The following RBFOX1 variants were observed in gnomAD, a reference collection of about 807,000 sequenced individuals.
RBFOX1 encodes the protein RNA binding protein fox-1 homolog 1.
In RBFOX1, 8 loss-of-function variants were observed where a neutral mutation model predicts 57.7. The ratio of observed to expected loss-of-function variants is 0.14; its 90% confidence interval spans 0.08 to 0.25. RBFOX1 has a LOEUF of 0.25. Ranked by LOEUF, RBFOX1 falls within the 10% of genes least tolerant of loss-of-function variation. RBFOX1 has a pLI of 1.00. For synonymous variants in RBFOX1, 326 were observed against 222.4 expected (o/e 1.47, Z -4.15); for missense variants, 611 against 548.5 (o/e 1.11, Z -1.14).
intron 2 of RBFOX1, among the ~76,000 whole-genome samples, chr16:6,320,233 T>G (rs559163926): frequency 6.6e-6 from 1 of 152,278 alleles, no homozygotes; most frequent in South Asian, 2.1e-4. Context: ...CACAGGAGAT[T>G]AGACTCGCAG....
chr16:5,668,312 A>C (rs889014408), intron 3 of RBFOX1, among the ~76,000 whole-genome samples: 1 of 152,186 alleles, frequency 6.6e-6, no homozygotes, highest in Non-Finnish European at 1.5e-5. Flanking sequence ...TTAAAAAAAA[A>C]GAATTGCTAA....
chr16:5,522,973 G>A (rs28793725), intron 2 of RBFOX1, among the ~76,000 whole-genome samples: 6,624 of 130,894 alleles, frequency 0.051, 495 homozygotes, highest in African/African-American at 0.18. Flanking sequence ...TCTATAGGCT[G>A]TTGTGAATAA....
chr16:6,417,711 A>ATTTT (rs1207709720), intron 2 of RBFOX1, among the ~76,000 whole-genome samples: 1 of 133,724 alleles, frequency 7.5e-6, no homozygotes, highest in African/African-American at 2.7e-5. Flanking sequence ...TCTTTTTAAA[A>ATTTT]AAAAAAAAAA....
intron 4 of RBFOX1, among the ~76,000 whole-genome samples, chr16:7,138,831 T>C (rs1365453078): frequency 1.3e-5 from 2 of 152,170 alleles, no homozygotes; most frequent in Non-Finnish European, 2.9e-5. Context: ...TTTTATAAGA[T>C]GGAGTCTGGC....
intron 14 of RBFOX1, among the ~76,000 whole-genome samples, chr16:7,688,922 G>A (rs942227377): frequency 6.6e-6 from 1 of 152,044 alleles, no homozygotes; most frequent in Non-Finnish European, 1.5e-5. Flanking sequence ...ACACCTCACT[G>A]CTGATTAAAT....
At chr16:6,444,437 G>T (rs966318924) in intron 2 of RBFOX1, among the ~76,000 whole-genome samples, 1 of 152,156 alleles carries the variant, frequency 6.6e-6, no homozygotes, top group Admixed American at 6.5e-5. Context: ...AATCATGGGA[G>T]TGGGTCTTTC....
chr16:6,314,083 C>T (rs538372553), intron 1 of RBFOX1, among the ~76,000 whole-genome samples: 1 of 152,226 alleles, frequency 6.6e-6, no homozygotes, highest in Admixed American at 6.5e-5. Context: ...CTCAGATGGA[C>T]ATGAAATTCA....
intron 4 of RBFOX1, among the ~76,000 whole-genome samples, chr16:7,250,503 C>G (rs1201378171): frequency 1.3e-5 from 2 of 152,340 alleles, no homozygotes; most frequent in East Asian, 3.9e-4. Flanking sequence ...TGTGATTACA[C>G]TTACCTTGTC....
chr16:6,851,817 G>A (rs919334496), intron 3 of RBFOX1, among the ~76,000 whole-genome samples: 5 of 152,170 alleles, frequency 3.3e-5, no homozygotes, highest in African/African-American at 1.2e-4. Context: ...GCATCAAGGC[G>A]CAGACATGGA....
intron 1 of RBFOX1, among the ~76,000 whole-genome samples, chr16:6,143,305 T>A (rs2096733045): frequency 6.6e-6 from 1 of 152,228 alleles, no homozygotes; most frequent in Non-Finnish European, 1.5e-5. Context: ...GAAAACATAT[T>A]CTTAGCCATT....
At chr16:6,365,357 T>C (rs552891683) in intron 2 of RBFOX1, among the ~76,000 whole-genome samples, 117 of 151,140 alleles carry the variant, frequency 7.7e-4, no homozygotes, top group African/African-American at 2.8e-3. Context: ...GATGGATGGA[T>C]AGACGGATGA....
At chr16:6,159,830 A>G (rs1007746283) in intron 1 of RBFOX1, among the ~76,000 whole-genome samples, 2 of 152,194 alleles carry the variant, frequency 1.3e-5, no homozygotes, top group African/African-American at 2.4e-5. Flanking sequence ...CATGCAAAGT[A>G]ACATTGCTTT....
intron 3 of RBFOX1, among the ~76,000 whole-genome samples, chr16:6,713,303 C>T (rs1045648700): frequency 3.9e-5 from 6 of 152,006 alleles, no homozygotes; most frequent in African/African-American, 1.2e-4. Context: ...TCCCCCATTG[C>T]TCACAGGATA....
chr16:5,977,346 G>C (rs140674074), intron 4 of RBFOX1, among the ~76,000 whole-genome samples: 13 of 152,256 alleles, frequency 8.5e-5, no homozygotes, highest in Middle Eastern at 3.4e-3. Context: ...CCGTCATGCA[G>C]AGTCTCTCCA....
chr16:7,233,169 T>C (rs1206560659), intron 4 of RBFOX1, among the ~76,000 whole-genome samples: 1 of 151,490 alleles, frequency 6.6e-6, no homozygotes, highest in African/African-American at 2.4e-5. Context: ...CACCTTCATA[T>C]AAAGCCCTGG....
chr16:5,920,016 C>G (rs2058786885), intron 4 of RBFOX1, among the ~76,000 whole-genome samples: 1 of 152,154 alleles, frequency 6.6e-6, no homozygotes, highest in Non-Finnish European at 1.5e-5. Context: ...TCACTGCAAG[C>G]TCCGCCTCCG....
intron 4 of RBFOX1, among the ~76,000 whole-genome samples, chr16:7,295,026 C>A (rs763714179): frequency 2.0e-5 from 3 of 152,132 alleles, no homozygotes; most frequent in South Asian, 2.1e-4. Context: ...AAATTAATTA[C>A]CATCTGGCCA....
chr16:6,656,483 A>T lies in RBFOX1; in HGVS notation c.-16+1833A>T, dbSNP rs1052342778. On this transcript the variant is annotated intron_variant, in intron 3 of 15. Transcript: ENST00000550418. ...AACTGCCTTTGGTTAAGACATCATG[A>T]TGATGGCAACTGCCCTGGTTTCTGG... 5.9e-5 allele frequency among the ~76,000 whole-genome samples: 9 copies of T among 152,034 alleles called. 1 individual carries two copies. Among genetic ancestry groups the T allele is most frequent in the African/African-American group, 1.7e-4 (7 of 41,398 alleles).
rs1355145374 is a variant in RBFOX1, at chr16:6,999,203, TTTA to T, written c.-15-52851_-15-52849del. On this transcript the variant is annotated intron_variant, in intron 3 of 15. Transcript: ENST00000550418. ...TATTTTATTTTATTTTATTTTATTT[TTTA>T]TTTTTATTTATTTTTTTTATTTATT... Among the ~76,000 whole-genome samples the T allele has an allele frequency of 1.0e-3, 105 of 100,328 alleles. 1 individual carries two copies. The highest frequency in any genetic ancestry group is 3.6e-3 in the African/African-American group (96 of 26,314). 65.8% of individuals were successfully genotyped at this position (100,328 alleles called of 152,430 possible).
Sources: allele counts gnomAD v4.1 joint callset (sites outside exome capture counted in the v4.1 genomes callset), GRCh38; gene constraint gnomAD v4.1.1; transcripts MANE v1.5; gene names NCBI Gene and HGNC (gene_info 2026-07-23, HGNC 2026-07-21).